NCOA7: variants seen among roughly 807,000 people sequenced by gnomAD.
The protein encoded by NCOA7 is nuclear receptor coactivator 7.
In NCOA7, 45 loss-of-function variants were observed where a neutral mutation model predicts 104.3. The observed-to-expected ratio is 0.43, with a 90% CI of 0.34 to 0.55. The LOEUF is 0.55. Ranked by LOEUF, NCOA7 falls within the 20% of genes least tolerant of loss-of-function variation. The pLI, the probability that NCOA7 is intolerant of heterozygous loss-of-function variation, is 0.02. For missense variants in NCOA7, 1,041 were observed against 1,119.7 expected, an observed-to-expected ratio of 0.93 and a Z score of 1.00; for synonymous variants, 398 against 402.3, an observed-to-expected ratio of 0.99 and a Z score of 0.13.
intron 5 of NCOA7, among the ~76,000 whole-genome samples, chr6:125,878,576 C>T (rs1164512283): frequency 6.6e-6 from 1 of 152,082 alleles, no homozygotes; most frequent in Non-Finnish European, 1.5e-5. Context: ...GTGACACCAT[C>T]ATGGCTCACT....
Position 125,890,808 on chromosome 6 carries a change from G to T in NCOA7, c.2094G>T (p.Glu698Asp). 1.2e-6 allele frequency: 2 copies of T among 1,605,976 alleles called. No homozygotes were observed. The highest frequency in any genetic ancestry group is 1.7e-6 in the Non-Finnish European group (2 of 1,176,446). ...AGTACTGGTTTGCTGTTCCTCGGGA[G>T]AGGTGAGTATGGGCTACAATGGAAA... ...QPEYWFAVPR[E>D]RVDHLYTFFV... The change falls in exon 10 of 16, where the codon GAG becomes GAT. Residue 698 changes from glutamate (E) to aspartate (D), a missense_variant and splice_region_variant. This residue lies in a region of NCOA7 where 914 missense variants were observed against 942.7 expected (regional missense o/e 0.97). Coordinates refer to ENST00000392477, the MANE Select transcript of NCOA7 (RefSeq NM_181782.5).
At chr6:125,810,105 C>T (rs1483496851) in intron 1 of NCOA7, 2 of 152,128 alleles carry the variant, frequency 1.3e-5, no homozygotes, top group African/African-American at 2.4e-5. Flanking sequence ...AAAAGTAGTC[C>T]GGAGTCAACA....
intron 2 of NCOA7, among the ~76,000 whole-genome samples, chr6:125,847,886 A>G (rs1198153166): frequency 1.3e-5 from 2 of 152,250 alleles, no homozygotes; most frequent in Admixed American, 6.5e-5. Flanking sequence ...AATGGGAGAA[A>G]AATTTTGCAA....
intron 2 of NCOA7, among the ~76,000 whole-genome samples, chr6:125,831,997 T>G (rs1012040601): frequency 1.3e-5 from 2 of 152,206 alleles, no homozygotes; most frequent in Non-Finnish European, 2.9e-5. Context: ...ACAGACTCAT[T>G]TGTGATGGAG....
intron 8 of NCOA7, among the ~76,000 whole-genome samples, chr6:125,887,402 A>G (rs528884566): frequency 1.8e-4 from 28 of 152,322 alleles, no homozygotes; most frequent in African/African-American, 6.7e-4. Context: ...TGCTGATGTT[A>G]GGCAGAACAT....
chr6:125,839,829 C>G (rs1482624083), intron 2 of NCOA7, among the ~76,000 whole-genome samples: 1 of 152,084 alleles, frequency 6.6e-6, no homozygotes, highest in East Asian at 1.9e-4. Context: ...ACCCACTGTA[C>G]TGCCAGCTGT....
chr6:125,889,148 G>T lies in NCOA7; in HGVS notation c.1094G>T (p.Ser365Ile), dbSNP rs779309268. The change falls in exon 9 of 16, where the codon AGC (serine) becomes ATC (isoleucine). Residue 365 changes from serine to isoleucine, a missense_variant. Transcript: ENST00000392477. ...CATACACCTACAAAGCCCTCAGGCA[G>T]CTCTGTGTCAGAGAAATTAAAGAAA... is the stretch of plus-strand genomic sequence containing the variant. ...TGHTPTKPSG[S>I]SVSEKLKKLD... is the part of the protein sequence containing the mutation. 6.2e-7 allele frequency: 1 copy of T among 1,614,154 alleles called. No individual in the cohort carries two copies. The highest frequency in any genetic ancestry group is 8.5e-7 in the Non-Finnish European group (1 of 1,180,002).
Position 125,810,636 on chromosome 6 carries a change from T to C in NCOA7, c.-64-4655T>C, listed in dbSNP as rs181427698. ...TTATAATGGAAAATGTAGTTCCCAT[T>C]AGAGACTGATTTAAGGAGCTCTGGT... is the stretch of plus-strand genomic sequence containing the variant. On this transcript the variant is annotated intron_variant, in intron 1 of 15. Coordinates refer to ENST00000392477, the MANE Select transcript of NCOA7 (RefSeq NM_181782.5). Among the ~76,000 whole-genome samples the C allele has an allele frequency of 1.2e-4, 19 of 152,290 alleles. No individual in the cohort carries two copies. In the East Asian group the frequency reaches 3.7e-3, roughly 29 times the overall value.
At chr6:125,846,238 CT>C (rs1780595024) in intron 2 of NCOA7, among the ~76,000 whole-genome samples, 1 of 151,624 alleles carries the variant, frequency 6.6e-6, no homozygotes, top group Non-Finnish European at 1.5e-5. Context: ...GGCTTCTGGA[CT>C]TTTCCAGGGC....
intron 12 of NCOA7, among the ~76,000 whole-genome samples, chr6:125,921,332 C>G (rs187152871): frequency 6.6e-6 from 1 of 152,074 alleles, no homozygotes; most frequent in Non-Finnish European, 1.5e-5. Context: ...ATTGCTTGAG[C>G]CTGGGAGGTG....
intron 3 of NCOA7, among the ~76,000 whole-genome samples, chr6:125,862,198 A>G (rs1782122233): frequency 7.3e-6 from 1 of 137,546 alleles, no homozygotes; most frequent in Admixed American, 6.9e-5. Flanking sequence ...AGATGCTTTC[A>G]TGAGCTAAAA....
chr6:125,833,571 A>G (rs1031363185), intron 2 of NCOA7, among the ~76,000 whole-genome samples: 1 of 146,460 alleles, frequency 6.8e-6, no homozygotes, highest in African/African-American at 2.5e-5. Flanking sequence ...AGATTCTGTC[A>G]AAAGAAAAGG....
intron 2 of NCOA7, among the ~76,000 whole-genome samples, chr6:125,834,739 A>G (rs1337762403): frequency 6.6e-6 from 1 of 152,196 alleles, no homozygotes; most frequent in Non-Finnish European, 1.5e-5. Context: ...GTAGCCCAGG[A>G]GCATAGATTG....
intron 10 of NCOA7, among the ~76,000 whole-genome samples, chr6:125,904,589 A>G (rs913527792): frequency 6.6e-6 from 1 of 152,076 alleles, no homozygotes; most frequent in African/African-American, 2.4e-5. Context: ...ACCCAGTTTA[A>G]CCATGGCCCC....
At chr6:125,861,206 C>T (rs1336615712) in intron 3 of NCOA7, among the ~76,000 whole-genome samples, 1 of 152,154 alleles carries the variant, frequency 6.6e-6, no homozygotes, top group Non-Finnish European at 1.5e-5. Flanking sequence ...GGTTTTTTGA[C>T]AATGTGGAAG....
At chr6:125,825,262 A>G (rs1464498606) in intron 2 of NCOA7, among the ~76,000 whole-genome samples, 1 of 151,796 alleles carries the variant, frequency 6.6e-6, no homozygotes, top group Non-Finnish European at 1.5e-5. Context: ...TAGCTCGGGT[A>G]TTGAAAGTTA....
chr6:125,895,018 A>G (rs939297614), intron 10 of NCOA7, among the ~76,000 whole-genome samples: 4 of 152,158 alleles, frequency 2.6e-5, no homozygotes, highest in African/African-American at 9.7e-5. Context: ...GAATTTGGAT[A>G]CTGTTTTATA....
rs143577365 is a variant in NCOA7 at position 125,865,366 on chromosome 6, G to A, written c.272-9523G>A. ...TAGCACAGTATGACTCATTTTAGTC[G>A]AGAACTATGTTACCTGTGACTTGCT... On this transcript the variant is annotated intron_variant, in intron 3 of 15. Transcript: ENST00000392477. Among the ~76,000 whole-genome samples, 46 of 138,110 alleles carry A rather than the reference G, an allele frequency of 3.3e-4. 14 individuals carry two copies. The highest frequency in any genetic ancestry group is 1.4e-3 in the African/African-American group (46 of 33,152). 90.6% of individuals were successfully genotyped at this position (138,110 alleles called of 152,430 possible).
intron 10 of NCOA7, among the ~76,000 whole-genome samples, chr6:125,906,157 G>A (rs1785984029): frequency 6.6e-6 from 1 of 152,112 alleles, no homozygotes; most frequent in Non-Finnish European, 1.5e-5. Flanking sequence ...AAATAATAGA[G>A]GAAATTCACC....
Sources: gnomAD v4.1 joint callset for allele counts (sites outside exome capture counted in the v4.1 genomes callset) on GRCh38, gnomAD v4.1.1 for gene constraint, gnomAD v4.1.1 regional missense constraint, MANE v1.5 for transcripts, NCBI Gene and HGNC (gene_info 2026-07-23, HGNC 2026-07-21) for gene names.